Variants in MAGI2 observed in about 807,000 individuals in gnomAD.
MAGI2 encodes membrane-associated guanylate kinase, WW and PDZ domain-containing protein 2.
In MAGI2, 35 loss-of-function variants were observed where a neutral mutation model predicts 133.3. The observed-to-expected ratio is 0.26, with a 90% CI of 0.20 to 0.35. The LOEUF (loss-of-function observed/expected upper bound fraction) is 0.35, where lower values mean the gene tolerates loss of function less well. MAGI2 is among the 10% of genes least tolerant of loss of function. The pLI is 1.00. For missense variants in MAGI2, 1,636 were observed against 1,863.4 expected (o/e 0.88, Z 2.25); for synonymous variants, 729 against 710.6 (o/e 1.03, Z -0.41).
At position 79,213,639 on chromosome 7, in the gene MAGI2, TA is replaced by T. The variant is rs541723400; in HGVS notation, c.302-206434del. Among the ~76,000 whole-genome samples the T allele has an allele frequency of 1.1e-3, 168 of 152,128 alleles. 1 individual carries two copies. Among genetic ancestry groups the T allele is most frequent in the African/African-American group, 4.0e-3 (165 of 41,418 alleles). ...TCTCTTAGCATATTTTTCTCAGGTT[TA>T]AAAAAATAAATATGTGTGTAAAAAA... On this transcript the variant is annotated intron_variant, in intron 1 of 21. Coordinates refer to ENST00000354212, the MANE Select transcript of MAGI2 (RefSeq NM_012301.4).
At chr7:78,797,018 G>T (rs1038153410) in intron 2 of MAGI2, among the ~76,000 whole-genome samples, 1 of 151,940 alleles carries the variant, frequency 6.6e-6, no homozygotes, top group Non-Finnish European at 1.5e-5. Context: ...TTGGTTCATG[G>T]GTACAAAAAT....
intron 1 of MAGI2, among the ~76,000 whole-genome samples, chr7:79,103,314 G>C (rs1045426383): frequency 1.3e-5 from 2 of 152,130 alleles, no homozygotes; most frequent in African/African-American, 2.4e-5. Flanking sequence ...GTCCTAGCCT[G>C]CTCCCTGTTT....
intron 9 of MAGI2, among the ~76,000 whole-genome samples, chr7:78,292,283 C>A (rs1796797835): frequency 1.3e-5 from 2 of 152,290 alleles, no homozygotes; most frequent in South Asian, 4.1e-4. Context: ...TTCTTATACA[C>A]CAATAACAGA....
At chr7:78,627,094 AG>A in intron 3 of MAGI2, 25 bp downstream of exon 3, 1 of 1,550,038 alleles carries the variant, frequency 6.5e-7, no homozygotes, top group South Asian at 1.2e-5. Flanking sequence ...CCAACAAGAA[AG>A]ATTTCTCAGG....
chr7:79,104,954 A>G (rs1818323069), intron 1 of MAGI2, among the ~76,000 whole-genome samples: 1 of 152,190 alleles, frequency 6.6e-6, no homozygotes, highest in Admixed American at 6.5e-5. Context: ...TGTCTTTTAA[A>G]TCCTTGAAGG....
intron 10 of MAGI2, among the ~76,000 whole-genome samples, chr7:78,216,100 G>A (rs1788246290): frequency 6.6e-6 from 1 of 152,220 alleles, no homozygotes; most frequent in Non-Finnish European, 1.5e-5. Context: ...TCAATGCTGA[G>A]ACAGGCGTAA....
Position 78,047,289 on chromosome 7 carries a change from G to T in MAGI2, c.3707-27313C>A, listed in dbSNP as rs77768279. Among the ~76,000 whole-genome samples, 764 of 152,306 alleles carry T rather than the reference G, an allele frequency of 5.0e-3. 20 individuals carry two copies. Among genetic ancestry groups the T allele is most frequent in the Admixed American group, 0.038 (574 of 15,294 alleles). ...ATCTTCTTTCCTAGATATGTATTTG[G>T]TCAGCTGTCTGGGGAAGTCTGGCAT... is the stretch of plus-strand genomic sequence containing the variant. On this transcript the variant is annotated intron_variant, in intron 21 of 21. Coordinates refer to ENST00000354212, the MANE Select transcript of MAGI2 (RefSeq NM_012301.4).
chr7:78,235,744 T>C (rs1324735117), intron 10 of MAGI2, among the ~76,000 whole-genome samples: 1 of 137,054 alleles, frequency 7.3e-6, no homozygotes, highest in Non-Finnish European at 1.7e-5. Context: ...AACAGACTAA[T>C]ACTCTATTTT....
chr7:79,267,955 T>C lies in MAGI2; in HGVS notation c.301+185065A>G, dbSNP rs572117899. Among the ~76,000 whole-genome samples, 6 of 152,262 alleles carry C rather than the reference T, an allele frequency of 3.9e-5. No homozygotes were observed. The East Asian group carries it at 1.2e-3, about 29-fold the overall frequency. ...TTAAATGGGACTGGAGGGCAGGCAA[T>C]AGCTTCTGAAAAAGCCTAGGTGTGA... On this transcript the variant is annotated intron_variant, in intron 1 of 21. Coordinates refer to ENST00000354212, the MANE Select transcript of MAGI2 (RefSeq NM_012301.4).
At chr7:78,684,685 A>G (rs1413795303) in intron 2 of MAGI2, among the ~76,000 whole-genome samples, 1 of 152,176 alleles carries the variant, frequency 6.6e-6, no homozygotes, top group African/African-American at 2.4e-5. Flanking sequence ...AATAAAATGG[A>G]AATGTATGAA....
chr7:78,238,709 G>C (rs11764764), intron 10 of MAGI2, among the ~76,000 whole-genome samples: 2 of 151,532 alleles, frequency 1.3e-5, no homozygotes, highest in Admixed American at 1.3e-4. Flanking sequence ...AAGCCAGCTT[G>C]CCTGCCTGCC....
chr7:79,433,531 C>T (rs1213043650), intron 1 of MAGI2, among the ~76,000 whole-genome samples: 3 of 150,036 alleles, frequency 2.0e-5, no homozygotes, highest in Admixed American at 6.7e-5. Flanking sequence ...CCAGCCTGGG[C>T]GACAGAGCAA....
chr7:78,206,158 A>G (rs1448331789), intron 10 of MAGI2, among the ~76,000 whole-genome samples: 2 of 152,208 alleles, frequency 1.3e-5, no homozygotes, highest in East Asian at 1.9e-4. Context: ...TTCACAGGGC[A>G]AAAAGATTAT....
chr7:78,294,792 A>C (rs1797066198), intron 9 of MAGI2, among the ~76,000 whole-genome samples: 1 of 152,102 alleles, frequency 6.6e-6, no homozygotes, highest in South Asian at 2.1e-4. Context: ...ATCATTAGGA[A>C]CTTACAGTCT....
chr7:79,037,293 AG>A (rs1562816885), intron 1 of MAGI2, among the ~76,000 whole-genome samples: 1 of 152,184 alleles, frequency 6.6e-6, no homozygotes, highest in Non-Finnish European at 1.5e-5. Context: ...TCTTTATTTC[AG>A]GGGCCCTTAT....
intron 2 of MAGI2, among the ~76,000 whole-genome samples, chr7:78,988,983 G>T (rs917592442): frequency 6.6e-6 from 1 of 151,990 alleles, no homozygotes; most frequent in Non-Finnish European, 1.5e-5. Context: ...AAAATAAATA[G>T]TTGCATAACT....
chr7:79,094,779 A>T (rs968949917), intron 1 of MAGI2, among the ~76,000 whole-genome samples: 1 of 152,202 alleles, frequency 6.6e-6, no homozygotes, highest in South Asian at 2.1e-4. Flanking sequence ...TTTGAAAGGA[A>T]TCTTTTTCTG....
intron 1 of MAGI2, among the ~76,000 whole-genome samples, chr7:79,166,410 C>T (rs535635128): frequency 6.4e-4 from 98 of 152,176 alleles, no homozygotes; most frequent in Admixed American, 1.6e-3. Flanking sequence ...TGTCAACAGT[C>T]GGTGAATGTG....
intron 2 of MAGI2, among the ~76,000 whole-genome samples, chr7:79,003,233 A>T (rs1432866050): frequency 6.6e-6 from 1 of 152,146 alleles, no homozygotes; most frequent in African/African-American, 2.4e-5. Flanking sequence ...CCCTAGCTCT[A>T]GAACTCTCTC....
Sources: allele counts gnomAD v4.1 joint callset (sites outside exome capture counted in the v4.1 genomes callset), GRCh38; gene constraint gnomAD v4.1.1; transcripts MANE v1.5; gene names NCBI Gene and HGNC (gene_info 2026-07-23, HGNC 2026-07-21).